The following EBF1 variants were observed in gnomAD, a reference collection of about 807,000 sequenced individuals.
EBF1 encodes transcription factor COE1.
EBF1 carries 10 observed loss-of-function variants against 68.4 expected under a neutral mutation model. That is an observed-to-expected ratio of 0.15 (90% CI 0.09 to 0.25). The LOEUF is 0.25. Ranked by LOEUF, EBF1 falls within the 10% of genes least tolerant of loss-of-function variation. The pLI is 1.00. For synonymous variants in EBF1, 298 were observed against 299.8 expected, an observed-to-expected ratio of 0.99 and a Z score of 0.06; for missense variants, 509 against 794.4, an observed-to-expected ratio of 0.64 and a Z score of 4.32.
intron 8 of EBF1, among the ~76,000 whole-genome samples, chr5:158,820,769 C>T (rs1784662144): frequency 1.3e-5 from 2 of 152,072 alleles, no homozygotes; most frequent in African/African-American, 2.4e-5. Context: ...GAATAAAATG[C>T]TGACTTTAAA....
chr5:158,889,437 T>C (rs1186293375), intron 6 of EBF1, among the ~76,000 whole-genome samples: 1 of 152,186 alleles, frequency 6.6e-6, no homozygotes, highest in South Asian at 2.1e-4. Flanking sequence ...GTACAAGTCC[T>C]AGCAATTCCT....
chr5:158,814,357 GT>G (rs1562004920), intron 8 of EBF1, among the ~76,000 whole-genome samples: 1 of 151,946 alleles, frequency 6.6e-6, no homozygotes, highest in Non-Finnish European at 1.5e-5. Context: ...TAAAAAAAAA[GT>G]TTTTACATAA....
At chr5:159,029,434 T>C (rs1356777166) in intron 6 of EBF1, among the ~76,000 whole-genome samples, 3 of 152,166 alleles carry the variant, frequency 2.0e-5, no homozygotes, top group African/African-American at 7.2e-5. Flanking sequence ...AAGTATTTTC[T>C]GCAAAGCCCT....
At chr5:158,904,163 G>A (rs1442335601) in intron 6 of EBF1, among the ~76,000 whole-genome samples, 1 of 152,170 alleles carries the variant, frequency 6.6e-6, no homozygotes, top group Non-Finnish European at 1.5e-5. Context: ...GAGCCAATCT[G>A]AGTTCAAATT....
At chr5:158,847,818 T>C (rs974926942) in intron 6 of EBF1, among the ~76,000 whole-genome samples, 1 of 152,166 alleles carries the variant, frequency 6.6e-6, no homozygotes, top group African/African-American at 2.4e-5. Context: ...GGAACCAAAT[T>C]TCTACTGGGA....
chr5:159,096,251 C>T, intron 3 of EBF1, 92 bp downstream of exon 3: 1 of 1,351,890 alleles, frequency 7.4e-7, no homozygotes, highest in Non-Finnish European at 1.0e-6. Flanking sequence ...GACTGACCTT[C>T]GCTGGAGGAT....
intron 6 of EBF1, among the ~76,000 whole-genome samples, chr5:158,877,455 T>A (rs918394696): frequency 2.6e-5 from 4 of 152,188 alleles, no homozygotes; most frequent in Admixed American, 1.3e-4. Context: ...CCAGCCAAGA[T>A]CAACACCATG....
At chr5:158,978,892 A>C (rs1350760851) in intron 6 of EBF1, among the ~76,000 whole-genome samples, 1 of 152,032 alleles carries the variant, frequency 6.6e-6, no homozygotes, top group African/African-American at 2.4e-5. Context: ...AGAATCACTC[A>C]GTTTCCAAGC....
chr5:158,776,764 GT>G (rs1183422598), intron 10 of EBF1, among the ~76,000 whole-genome samples: 1 of 152,138 alleles, frequency 6.6e-6, no homozygotes, highest in Non-Finnish European at 1.5e-5. Flanking sequence ...TGGGTATTTG[GT>G]TTGCACTTCA....
intron 6 of EBF1, among the ~76,000 whole-genome samples, chr5:159,044,933 C>T (rs1772030820): frequency 6.6e-6 from 1 of 151,936 alleles, no homozygotes; most frequent in Non-Finnish European, 1.5e-5. Context: ...CTTCAATGTA[C>T]CAGAGCTAAA....
chr5:158,796,924 G>C (rs1779705452), intron 8 of EBF1, among the ~76,000 whole-genome samples: 1 of 152,172 alleles, frequency 6.6e-6, no homozygotes, highest in Non-Finnish European at 1.5e-5. Flanking sequence ...AAAGAGAGGA[G>C]CCTGGAGCGG....
At chr5:158,790,972 T>G (rs556779280) in intron 9 of EBF1, among the ~76,000 whole-genome samples, 1 of 152,330 alleles carries the variant, frequency 6.6e-6, no homozygotes, top group East Asian at 1.9e-4. Flanking sequence ...AGTTTCCACC[T>G]GCCACCACTG....
rs1488156947 is a variant in EBF1, at chr5:158,865,405, T to C, written c.555-25295A>G. 5.3e-5 allele frequency among the ~76,000 whole-genome samples: 8 copies of C among 152,276 alleles called. No individual in the cohort carries two copies. The East Asian group carries it at 1.3e-3, about 26-fold the overall frequency. On this transcript the variant is annotated intron_variant, in intron 6 of 15. Transcript: ENST00000313708. ...TTCTAAGCCTCTGCCTCCTTATCTG[T>C]AAAATGAGAACTATAGTATCTACCT...
At chr5:158,966,019 A>G (rs932564511) in intron 6 of EBF1, among the ~76,000 whole-genome samples, 7 of 152,190 alleles carry the variant, frequency 4.6e-5, no homozygotes, top group African/African-American at 1.7e-4. Flanking sequence ...TTTGTTCTCT[A>G]TCTGGGACAA....
At position 158,792,792 on chromosome 5, in the gene EBF1, A is replaced by G. The variant is rs543445839; in HGVS notation, c.909+3553T>C. On this transcript the variant is annotated intron_variant, in intron 9 of 15. Coordinates refer to ENST00000313708, the MANE Select transcript of EBF1 (RefSeq NM_024007.5). ...CGTAGGCATGTATCCTTTACTTCAT[A>G]AAGATAAATTCTACCTAGAATCCAG... is the stretch of plus-strand genomic sequence containing the variant. Among the ~76,000 whole-genome samples, 13 of 152,298 alleles carry G rather than the reference A, an allele frequency of 8.5e-5. No homozygotes were observed. The East Asian group carries it at 2.5e-3, about 29-fold the overall frequency.
At chr5:158,985,458 A>T (rs1165565169) in intron 6 of EBF1, among the ~76,000 whole-genome samples, 2 of 152,250 alleles carry the variant, frequency 1.3e-5, no homozygotes, top group Non-Finnish European at 2.9e-5. Flanking sequence ...GCTAGACATC[A>T]GTATTTGCTT....
At chr5:158,942,699 G>T (rs777162606) in intron 6 of EBF1, among the ~76,000 whole-genome samples, 1 of 151,990 alleles carries the variant, frequency 6.6e-6, no homozygotes, top group African/African-American at 2.4e-5. Flanking sequence ...GTTCCAGCCC[G>T]TGGGGTTTAA....
At chr5:159,080,288 G>C (rs1475625186) in intron 5 of EBF1, among the ~76,000 whole-genome samples, 1 of 152,022 alleles carries the variant, frequency 6.6e-6, no homozygotes, top group African/African-American at 2.4e-5. Flanking sequence ...TCCCTTCTCT[G>C]AATAGACATA....
At chr5:158,801,785 C>T (rs1165632746) in intron 8 of EBF1, among the ~76,000 whole-genome samples, 3 of 152,042 alleles carry the variant, frequency 2.0e-5, no homozygotes, top group South Asian at 2.1e-4. Context: ...CTCTATCTCC[C>T]GAGCATTTAT....
Sources: gnomAD v4.1 joint callset for allele counts (sites outside exome capture counted in the v4.1 genomes callset) on GRCh38, gnomAD v4.1.1 for gene constraint, MANE v1.5 for transcripts, NCBI Gene and HGNC (gene_info 2026-07-23, HGNC 2026-07-21) for gene names.